TRIM37: variants seen among roughly 807,000 people sequenced by gnomAD.
TRIM37 encodes E3 ubiquitin-protein ligase TRIM37.
TRIM37 carries 80 observed loss-of-function variants against 129.8 expected under a neutral mutation model. The ratio of observed to expected loss-of-function variants is 0.62; its 90% CI spans 0.51 to 0.74. The LOEUF is 0.74. TRIM37 is among the 30% of genes least tolerant of loss of function. The pLI is 0.00. For synonymous variants in TRIM37, 389 were observed against 387.1 expected (o/e 1.00, Z -0.06); for missense variants, 1,054 against 1,176.5 (o/e 0.90, Z 1.52).
chr17:59,105,286 A>G (rs1170277073), intron 1 of TRIM37, among the ~76,000 whole-genome samples: 1 of 152,140 alleles, frequency 6.6e-6, no homozygotes, highest in Non-Finnish European at 1.5e-5. Flanking sequence ...AGAATCCAGA[A>G]ATCTGAATTG....
At chr17:58,984,714 T>C (rs2031635857) in intron 24 of TRIM37, 1 of 152,606 alleles carries the variant, frequency 6.6e-6, no homozygotes, top group African/African-American at 2.4e-5. Context: ...AACACAATGA[T>C]TTTCCAGACA....
chr17:59,038,330 G>T (rs911637691), intron 17 of TRIM37, among the ~76,000 whole-genome samples: 3 of 152,040 alleles, frequency 2.0e-5, no homozygotes, highest in Non-Finnish European at 4.4e-5. Context: ...TCACCCTTAG[G>T]TTATAAATTA....
At chr17:58,976,200 C>T in the TRIM37 span, among the ~76,000 whole-genome samples, 2 of 152,116 alleles carry the variant, frequency 1.3e-5, no homozygotes, top group Non-Finnish European at 2.9e-5. Flanking sequence ...GAAGCCAGAG[C>T]AGCACAGGCT....
chr17:59,103,382 C>A (rs1346162993), intron 2 of TRIM37, among the ~76,000 whole-genome samples: 1 of 151,362 alleles, frequency 6.6e-6, no homozygotes, highest in East Asian at 2.0e-4. Context: ...CGCTCTGTCA[C>A]CCAGGCTGGA....
intron 22 of TRIM37, among the ~76,000 whole-genome samples, chr17:59,006,898 A>C (rs996567780): frequency 6.6e-6 from 1 of 151,796 alleles, no homozygotes; most frequent in African/African-American, 2.4e-5. Context: ...CCAAAAAATA[A>C]ATAAATAAAT....
chr17:59,041,963 A>G (rs544978065), intron 16 of TRIM37, 65 bp from the exon 17 acceptor site: 1 of 1,130,818 alleles, frequency 8.8e-7, no homozygotes, highest in African/African-American at 1.5e-5. Context: ...TTCACACCTC[A>G]ATAAATTTTA....
chr17:58,980,470 C>T, downstream of TRIM37: 1 of 1,614,118 alleles, frequency 6.2e-7, no homozygotes, highest in Non-Finnish European at 8.5e-7. The surrounding 1 kb of genome is among the most constrained non-coding windows in gnomAD (Gnocchi z 4.7). Context: ...ACCCAGGCTA[C>T]CTAGATCTCA....
chr17:58,996,792 A>ATG (rs111408971), downstream of TRIM37, among the ~76,000 whole-genome samples: 5,048 of 79,322 alleles, frequency 0.064, 96 homozygotes, highest in South Asian at 0.15. Context: ...GTATATATAT[A>ATG]TGTGTGTGTG....
intron 12 of TRIM37, among the ~76,000 whole-genome samples, chr17:59,057,501 C>A (rs1748928902): frequency 6.6e-6 from 1 of 152,130 alleles, no homozygotes; most frequent in African/African-American, 2.4e-5. Context: ...AGCCACCACA[C>A]CCGGCCAGAA....
downstream of TRIM37, among the ~76,000 whole-genome samples, chr17:58,996,156 A>G (rs2032970825): frequency 6.6e-6 from 1 of 152,094 alleles, no homozygotes; most frequent in Non-Finnish European, 1.5e-5. Flanking sequence ...TCTCAAGGTT[A>G]AGTTCACCAA....
intron 19 of TRIM37, among the ~76,000 whole-genome samples, chr17:59,023,231 A>C (rs183391876): frequency 6.6e-6 from 1 of 152,206 alleles, no homozygotes; most frequent in East Asian, 1.9e-4. Flanking sequence ...ATATGCCATC[A>C]TGCCCAGGTA....
intron 13 of TRIM37, among the ~76,000 whole-genome samples, chr17:59,056,501 G>A (rs992516329): frequency 9.2e-5 from 14 of 151,604 alleles, no homozygotes; most frequent in South Asian, 2.1e-4. Flanking sequence ...AGGCCGAGGC[G>A]GGCGGATCAC....
chr17:59,088,162 A>G (rs2043945975), intron 4 of TRIM37, 129 bp downstream of exon 4: 1 of 678,976 alleles, frequency 1.5e-6, no homozygotes, highest in South Asian at 1.7e-5. Context: ...GCATGACTGA[A>G]AGAATTAAAA....
chr17:58,978,530 G>A (rs1263716889), downstream of TRIM37, among the ~76,000 whole-genome samples: 1 of 152,040 alleles, frequency 6.6e-6, no homozygotes, highest in Admixed American at 6.6e-5. Context: ...GGCCAATATG[G>A]TGAAACCCCG....
chr17:59,106,609 C>T lies in TRIM37; in HGVS notation c.-148G>A. On this transcript the variant is annotated 5_prime_UTR_variant, in exon 1 of 24. Coordinates refer to ENST00000262294, the MANE Select transcript of TRIM37 (RefSeq NM_015294.6). Reference sequence around the variant, plus strand: ...TCTGACAACCGCCCCACCTGCGCGCCCCATCTCTTCAGGTCCAGCGCCGCC... The same window carrying T: ...TCTGACAACCGCCCCACCTGCGCGCTCCATCTCTTCAGGTCCAGCGCCGCC... 3.2e-6 allele frequency: 3 copies of T among 925,240 alleles called. No homozygotes were observed. In the South Asian group the frequency reaches 4.2e-5, roughly 13 times the overall value. 57.3% of individuals were successfully genotyped at this position (925,240 alleles called of 1,614,324 possible).
At chr17:59,003,182 T>C (rs1489852708) in intron 22 of TRIM37, among the ~76,000 whole-genome samples, 1 of 152,224 alleles carries the variant, frequency 6.6e-6, no homozygotes, top group Admixed American at 6.5e-5. Flanking sequence ...TGGCCAATGC[T>C]AAAATTCCTA....
At chr17:58,981,593 T>C (rs937537642), downstream of TRIM37, 2 of 152,646 alleles carry the variant, frequency 1.3e-5, no homozygotes, top group Non-Finnish European at 2.9e-5. Context: ...GGTAAATCAG[T>C]GTAAAAGTGT....
At chr17:58,978,472 A>G (rs2031158627), downstream of TRIM37, among the ~76,000 whole-genome samples, 1 of 152,124 alleles carries the variant, frequency 6.6e-6, no homozygotes, top group Admixed American at 6.5e-5. Context: ...GCACTTTGGG[A>G]GGCCGACACA....
chr17:59,027,358 A>G (rs1490065994), intron 19 of TRIM37, among the ~76,000 whole-genome samples: 1 of 152,186 alleles, frequency 6.6e-6, no homozygotes, highest in Non-Finnish European at 1.5e-5. Context: ...TCTAAATAGA[A>G]CTTTCCTAAA....
Sources: gnomAD v4.1 joint callset for allele counts (sites outside exome capture counted in the v4.1 genomes callset) on GRCh38, gnomAD v4.1.1 for gene constraint, Gnocchi (gnomAD v3.1) non-coding constraint, MANE v1.5 for transcripts, NCBI Gene and HGNC (gene_info 2026-07-23, HGNC 2026-07-21) for gene names.